The following TENM4 variants were observed in gnomAD, a reference collection of about 807,000 sequenced individuals.
TENM4 encodes the protein teneurin-4.
TENM4 carries 82 observed loss-of-function variants against 243.3 expected under a neutral mutation model. The ratio of observed to expected loss-of-function variants is 0.34; its 90% CI spans 0.28 to 0.40. TENM4 has a LOEUF of 0.40. Among genes scored for constraint, TENM4 ranks in the 10% least tolerant of loss-of-function variants. TENM4 has a pLI of 1.00. For synonymous variants in TENM4, 1,412 were observed against 1,456.3 expected, an observed-to-expected ratio of 0.97 and a Z score of 0.69; for missense variants, 3,138 against 3,673.3, an observed-to-expected ratio of 0.85 and a Z score of 3.77.
chr11:78,936,619 AAC>A (rs1856791268), intron 6 of TENM4, among the ~76,000 whole-genome samples: 1 of 152,230 alleles, frequency 6.6e-6, no homozygotes, highest in Non-Finnish European at 1.5e-5. Flanking sequence ...GGGAAGTAGG[AAC>A]TGCTCTTCCC....
At chr11:79,112,013 G>C (rs1038253749) in intron 4 of TENM4, among the ~76,000 whole-genome samples, 12 of 152,194 alleles carry the variant, frequency 7.9e-5, no homozygotes, top group Admixed American at 2.6e-4. Flanking sequence ...GGGCAAGGTG[G>C]GGGCAGAGAG....
At chr11:78,877,253 T>C (rs1346521774) in intron 9 of TENM4, among the ~76,000 whole-genome samples, 1 of 152,158 alleles carries the variant, frequency 6.6e-6, no homozygotes, top group Non-Finnish European at 1.5e-5. Context: ...TTCCTCTCAC[T>C]GCTCCCTTCT....
chr11:78,733,343 C>A (rs960959170), intron 20 of TENM4, among the ~76,000 whole-genome samples: 3 of 152,178 alleles, frequency 2.0e-5, no homozygotes, highest in Admixed American at 6.5e-5. Flanking sequence ...TGAGGAGAAA[C>A]CTGCCCTCCT....
chr11:79,021,177 C>T (rs188887506), intron 6 of TENM4, among the ~76,000 whole-genome samples: 3 of 152,330 alleles, frequency 2.0e-5, no homozygotes, highest in East Asian at 3.9e-4. Flanking sequence ...CTACCCAGCC[C>T]TCATCACAAC....
At chr11:78,854,357 C>T (rs1347421351) in intron 11 of TENM4, 43 bp from the exon 12 acceptor site, 47 of 1,441,862 alleles carry the variant, frequency 3.3e-5, no homozygotes, top group Non-Finnish European at 4.3e-5. Flanking sequence ...GTCTGTTCCA[C>T]CACGCACCAG....
chr11:78,669,287 C>T lies in TENM4; in HGVS notation c.7058G>A (p.Gly2353Asp). 6.2e-7 allele frequency: 1 copy of T among 1,614,020 alleles called. No homozygotes were observed. The highest frequency in any genetic ancestry group is 2.2e-5 in the East Asian group (1 of 44,882). ...GHLFAMELSS[G>D]DEFYIACDNI... ...GTCACAAGCTATGTAAAACTCATCA[C>T]CACTGCTCAGCTCCATGGCAAAGAG... Residue 2353 changes from glycine (G) to aspartate (D), a missense_variant, in exon 32 of 34, where the codon GGT becomes GAT. Around this residue, in one of 2 missense-constraint regions of TENM4, gnomAD observed 2,467 missense variants for 3,059.1 expected, o/e 0.81. Transcript: ENST00000278550. The surrounding 1 kb of genome is among the most constrained non-coding windows in gnomAD (Gnocchi z 6.4).
intron 6 of TENM4, among the ~76,000 whole-genome samples, chr11:78,998,957 T>C (rs1262434615): frequency 6.6e-6 from 1 of 152,186 alleles, no homozygotes; most frequent in Non-Finnish European, 1.5e-5. Flanking sequence ...CCAGTGGAAA[T>C]CAAAAGCCAG....
intron 27 of TENM4, 142 bp from the exon 28 acceptor site, chr11:78,702,545 A>G: frequency 2.0e-6 from 2 of 1,010,422 alleles, no homozygotes; most frequent in South Asian, 1.6e-5. Context: ...ATCATCAACA[A>G]TGAAGCGTCA....
At chr11:78,986,879 T>C (rs1454044059) in intron 6 of TENM4, among the ~76,000 whole-genome samples, 1 of 152,200 alleles carries the variant, frequency 6.6e-6, no homozygotes, top group Non-Finnish European at 1.5e-5. Context: ...CGGCTGGTCA[T>C]TGTCATTTTC....
At chr11:79,195,851 C>T (rs1010569425) in intron 3 of TENM4, among the ~76,000 whole-genome samples, 2 of 151,968 alleles carry the variant, frequency 1.3e-5, no homozygotes, top group Non-Finnish European at 2.9e-5. Context: ...TTTGGAGGGG[C>T]CAGGAGTGGA....
intron 4 of TENM4, among the ~76,000 whole-genome samples, chr11:79,070,486 T>TTAC (rs1286595876): frequency 3.9e-5 from 6 of 152,206 alleles, no homozygotes; most frequent in Admixed American, 3.9e-4. Context: ...TGAGATGTTA[T>TTAC]TACTCTCTCC....
intron 2 of TENM4, among the ~76,000 whole-genome samples, chr11:79,220,783 T>C (rs918232819): frequency 6.6e-6 from 1 of 152,334 alleles, no homozygotes; most frequent in East Asian, 1.9e-4. Flanking sequence ...ATGTCTTCAA[T>C]TCTCAGCACA....
chr11:79,286,734 T>C (rs1856261202), intron 2 of TENM4, among the ~76,000 whole-genome samples: 1 of 152,142 alleles, frequency 6.6e-6, no homozygotes, highest in African/African-American at 2.4e-5. Context: ...GGCGTGAGGA[T>C]TACATAAGCA....
chr11:78,764,588 A>G (rs1856501660), intron 18 of TENM4, among the ~76,000 whole-genome samples: 2 of 152,338 alleles, frequency 1.3e-5, no homozygotes, highest in Admixed American at 6.5e-5. Context: ...GGGCCCATCA[A>G]GGGCCATGGG....
At chr11:78,860,050 A>G (rs761421893) in intron 10 of TENM4, among the ~76,000 whole-genome samples, 5 of 152,256 alleles carry the variant, frequency 3.3e-5, no homozygotes, top group Non-Finnish European at 7.3e-5. Context: ...ATTCTCAAGG[A>G]CATGATGAAC....
intron 1 of TENM4, among the ~76,000 whole-genome samples, chr11:79,327,257 T>G (rs1201759141): frequency 1.2e-4 from 18 of 152,242 alleles, no homozygotes; most frequent in Admixed American, 1.2e-3. Flanking sequence ...AACACTATAA[T>G]TGAGACAGTG....
At chr11:79,415,361 G>A (rs1327041016) in intron 1 of TENM4, among the ~76,000 whole-genome samples, 1 of 152,162 alleles carries the variant, frequency 6.6e-6, no homozygotes, top group Non-Finnish European at 1.5e-5. Flanking sequence ...ATTTTCATTC[G>A]TTTACAGGTG....
At chr11:78,750,142 T>A (rs915350959) in intron 19 of TENM4, among the ~76,000 whole-genome samples, 19 of 152,202 alleles carry the variant, frequency 1.2e-4, no homozygotes, top group African/African-American at 4.6e-4. Flanking sequence ...CTTTCTACAA[T>A]CCTGTTCAAC....
At chr11:78,676,474 A>G in intron 29 of TENM4, 87 bp from the exon 30 acceptor site, 1 of 1,094,716 alleles carries the variant, frequency 9.1e-7, no homozygotes, top group Non-Finnish European at 1.2e-6. Flanking sequence ...AGGGGACTTT[A>G]AAGGATGCTT....
Sources: gnomAD v4.1 joint callset for allele counts (sites outside exome capture counted in the v4.1 genomes callset) on GRCh38, gnomAD v4.1.1 for gene constraint, gnomAD v4.1.1 regional missense constraint, Gnocchi (gnomAD v3.1) non-coding constraint, MANE v1.5 for transcripts, NCBI Gene and HGNC (gene_info 2026-07-23, HGNC 2026-07-21) for gene names.